The following ZNF354B variants were observed in gnomAD, a reference collection of about 807,000 sequenced individuals.
ZNF354B encodes the protein zinc finger protein 354B.
A neutral mutation model predicts 12.9 loss-of-function variants in ZNF354B; 10 were observed. The observed-to-expected ratio is 0.77, with a 90% confidence interval of 0.48 to 1.31. The LOEUF (loss-of-function observed/expected upper bound fraction) is 1.31, where lower values mean the gene tolerates loss of function less well. Among genes scored for constraint, ZNF354B ranks in the 40% most tolerant of loss-of-function variants. The pLI, the probability that ZNF354B is intolerant of heterozygous loss-of-function variation, is 0.00. For synonymous variants in ZNF354B, 260 were observed against 243.7 expected (o/e 1.07, Z -0.62); for missense variants, 614 against 711.7 (o/e 0.86, Z 1.56).
rs1757745437 is a variant in ZNF354B at position 178,883,139 on chromosome 5, T to C, written c.687T>C (p.Leu229=). 6.2e-7 allele frequency: 1 copy of C among 1,613,126 alleles called. No individual in the cohort carries two copies. Among genetic ancestry groups the C allele is most frequent in the South Asian group, 1.1e-5 (1 of 90,646 alleles). The part of the protein sequence containing the change: ...CEKAFIHNSS[L]RKHQKNHTGE... ...AAGCCTTCATTCACAATTCATCCCT[T>C]CGTAAACATCAGAAAAACCACACTG... Residue 229 remains leucine (L), a synonymous_variant, in exon 5 of 5, where the codon CTT becomes CTC. Transcript: ENST00000322434.
intron 4 of ZNF354B, among the ~76,000 whole-genome samples, chr5:178,881,408 T>G (rs945017188): frequency 6.6e-6 from 1 of 152,198 alleles, no homozygotes; most frequent in African/African-American, 2.4e-5. Flanking sequence ...ATCTGTATCT[T>G]GTCTTAATGC....
At chr5:178,870,823 C>G (rs1757551503) in intron 4 of ZNF354B, among the ~76,000 whole-genome samples, 1 of 152,042 alleles carries the variant, frequency 6.6e-6, no homozygotes, top group African/African-American at 2.4e-5. Flanking sequence ...AGCCCTATTG[C>G]ATTTTACTTG....
intron 4 of ZNF354B, among the ~76,000 whole-genome samples, chr5:178,878,890 G>A (rs915560143): frequency 1.3e-5 from 2 of 152,052 alleles, no homozygotes; most frequent in South Asian, 2.1e-4. Context: ...TAGTAGAGAC[G>A]GGGTTTCACC....
At chr5:178,876,608 G>A (rs1331408811) in intron 4 of ZNF354B, among the ~76,000 whole-genome samples, 1 of 152,158 alleles carries the variant, frequency 6.6e-6, no homozygotes, top group East Asian at 1.9e-4. Flanking sequence ...TTAGACTCAA[G>A]GAATTTTAAT....
Position 178,884,486 on chromosome 5 carries a change from A to G in ZNF354B, c.*195A>G, listed in dbSNP as rs1757772402. ...ATATCCCGAGACAGTTCACTGTTGC[A>G]GACATTGAAATTGGCCATTTGTAAG... On this transcript the variant is annotated 3_prime_UTR_variant, in exon 5 of 5. Coordinates refer to ENST00000322434, the MANE Select transcript of ZNF354B (RefSeq NM_058230.3). The G allele has an allele frequency of 1.9e-6, 1 of 530,876 alleles. No individual in the cohort carries two copies. The highest frequency in any genetic ancestry group is 4.8e-5 in the South Asian group (1 of 21,016). The allele number at this position is 530,876 out of a possible 1,614,324, so 32.9% of individuals were successfully genotyped here. A position where few individuals can be genotyped will look rare whatever the true frequency, so the allele number is the denominator to read the frequency against.
intron 4 of ZNF354B, among the ~76,000 whole-genome samples, chr5:178,876,278 G>C (rs888734246): frequency 6.6e-6 from 1 of 152,244 alleles, no homozygotes; most frequent in Non-Finnish European, 1.5e-5. Flanking sequence ...GGGGACCCGT[G>C]TGGGGAACAG....
rs373627743 is a variant in ZNF354B, at chr5:178,882,690, T to G, written c.257-19T>G. On this transcript the variant is annotated intron_variant, in intron 4 of 4. Transcript: ENST00000322434. ...TCACATGAATCATGGGCTGTTGCTT[T>G]CTTTTTTTCTTTTTTCAGGATGTAA... 116 of 1,531,670 alleles carry G rather than the reference T, an allele frequency of 7.6e-5. No homozygotes were observed. The highest frequency in any genetic ancestry group is 8.9e-5 in the Non-Finnish European group (102 of 1,150,236). 94.9% of individuals were successfully genotyped at this position (1,531,670 alleles called of 1,614,324 possible). A position where few individuals can be genotyped will look rare whatever the true frequency, so the allele number is the denominator to read the frequency against.
chr5:178,862,362 C>CTTTTTTTTTT (rs769224561), intron 2 of ZNF354B, among the ~76,000 whole-genome samples: 12 of 105,582 alleles, frequency 1.1e-4, no homozygotes, highest in Non-Finnish European at 1.8e-4. Context: ...GTGGCATTAT[C>CTTTTTTTTTT]TTTTTTTTTT....
intron 4 of ZNF354B, among the ~76,000 whole-genome samples, chr5:178,871,509 C>G (rs189197480): frequency 6.6e-6 from 1 of 152,202 alleles, no homozygotes; most frequent in Non-Finnish European, 1.5e-5. Context: ...GTGTAATAGA[C>G]CTGTTTCTTC....
At chr5:178,880,416 T>C (rs1365333097) in intron 4 of ZNF354B, among the ~76,000 whole-genome samples, 2 of 151,934 alleles carry the variant, frequency 1.3e-5, no homozygotes, top group South Asian at 4.2e-4. Flanking sequence ...GCCAGGATGG[T>C]CTCGATCTCC....
At chr5:178,876,960 C>T (rs1757647615) in intron 4 of ZNF354B, among the ~76,000 whole-genome samples, 2 of 149,176 alleles carry the variant, frequency 1.3e-5, no homozygotes, top group Non-Finnish European at 3.0e-5. Context: ...TGTTGCAACT[C>T]GGGATCAGAT....
At chr5:178,871,257 A>T (rs1295573196) in intron 4 of ZNF354B, among the ~76,000 whole-genome samples, 1 of 151,982 alleles carries the variant, frequency 6.6e-6, no homozygotes, top group East Asian at 1.9e-4. Context: ...AAGGCCTCTG[A>T]TCACCCTTGG....
intron 4 of ZNF354B, among the ~76,000 whole-genome samples, chr5:178,878,470 A>T (rs1757673674): frequency 6.6e-6 from 1 of 152,056 alleles, no homozygotes; most frequent in Admixed American, 6.6e-5. Context: ...CACATCCATC[A>T]TTATCTTCAG....
intron 4 of ZNF354B, among the ~76,000 whole-genome samples, chr5:178,868,853 T>TC (rs1466284331): frequency 6.6e-6 from 1 of 151,486 alleles, no homozygotes; most frequent in Non-Finnish European, 1.5e-5. Context: ...GCGCCTGTAG[T>TC]CCCAGCTACT....
chr5:178,868,955 G>A (rs1254942924), intron 4 of ZNF354B, among the ~76,000 whole-genome samples: 1 of 147,558 alleles, frequency 6.8e-6, no homozygotes, highest in Non-Finnish European at 1.5e-5. Flanking sequence ...CTTAGTGACA[G>A]AGCAAGACTC....
intron 2 of ZNF354B, among the ~76,000 whole-genome samples, chr5:178,862,792 A>T (rs1033931190): frequency 6.6e-6 from 1 of 152,196 alleles, no homozygotes; most frequent in African/African-American, 2.4e-5. Context: ...CACAGAGCCA[A>T]GCTGCTCTCC....
chr5:178,873,720 TAG>T (rs1031911471), intron 4 of ZNF354B, among the ~76,000 whole-genome samples: 16 of 152,294 alleles, frequency 1.1e-4, no homozygotes, highest in African/African-American at 3.4e-4. Flanking sequence ...TGTTGTTTTT[TAG>T]AAAGTTTTAT....
intron 4 of ZNF354B, among the ~76,000 whole-genome samples, chr5:178,873,184 A>G (rs1185806012): frequency 1.3e-5 from 2 of 152,132 alleles, no homozygotes; most frequent in African/African-American, 2.4e-5. Flanking sequence ...AGATCTTTAT[A>G]TATGCTGGAT....
intron 4 of ZNF354B, among the ~76,000 whole-genome samples, chr5:178,880,323 T>C (rs1757699443): frequency 6.6e-6 from 1 of 151,032 alleles, no homozygotes; most frequent in African/African-American, 2.4e-5. Context: ...CCTCAGCCTC[T>C]TGAATAGCTG....
Sources: allele counts gnomAD v4.1 joint callset (sites outside exome capture counted in the v4.1 genomes callset), GRCh38; gene constraint gnomAD v4.1.1; transcripts MANE v1.5; gene names NCBI Gene and HGNC (gene_info 2026-07-23, HGNC 2026-07-21).